Variants in SEC23B observed in about 807,000 individuals in gnomAD.
SEC23B encodes SEC23 homolog B, COPII component.
In SEC23B, 77 loss-of-function variants were observed where a neutral mutation model predicts 104.3. The ratio of observed to expected loss-of-function variants is 0.74; its 90% confidence interval spans 0.61 to 0.89. The LOEUF is 0.89. Among genes scored for constraint, SEC23B ranks in the 40% least tolerant of loss-of-function variants. The pLI is 0.00. For synonymous variants in SEC23B, 338 were observed against 332.5 expected, an observed-to-expected ratio of 1.02 and a Z score of -0.18; for missense variants, 885 against 949.4, an observed-to-expected ratio of 0.93 and a Z score of 0.89.
intron 12 of SEC23B, among the ~76,000 whole-genome samples, chr20:18,537,865 A>G (rs1011871241): frequency 6.6e-6 from 1 of 152,000 alleles, no homozygotes; most frequent in Non-Finnish European, 1.5e-5. Context: ...AAGGTCTTAC[A>G]TTGATGTTGT....
rs113410788 is a variant in SEC23B, at chr20:18,548,771, G to C, written c.1905+1G>C. 1 of 1,614,026 alleles carries C rather than the reference G, an allele frequency of 6.2e-7. No individual in the cohort carries two copies. On this transcript the variant is annotated splice_donor_variant, in intron 16 of 19. Transcript: ENST00000650089. LOFTEE classifies it high-confidence loss of function. ...TTACTCCTTTCATGGGCCACCAGAG[G>C]TGAGGCTCTACCCAAATGCTTTCCT...
chr20:18,533,653 A>C (rs1394258641), intron 11 of SEC23B, among the ~76,000 whole-genome samples: 3 of 152,210 alleles, frequency 2.0e-5, no homozygotes, highest in Admixed American at 1.3e-4. Flanking sequence ...TCAGCAACAA[A>C]CGTTCTTGGG....
intron 9 of SEC23B, among the ~76,000 whole-genome samples, chr20:18,528,161 A>G (rs529811730): frequency 7.2e-5 from 11 of 152,220 alleles, no homozygotes; most frequent in Non-Finnish European, 1.5e-4. Context: ...GGAATTGTAT[A>G]TTTCTAGGCC....
At chr20:18,555,550 C>T (rs1001140264) in intron 19 of SEC23B, among the ~76,000 whole-genome samples, 3 of 152,086 alleles carry the variant, frequency 2.0e-5, no homozygotes, top group Admixed American at 6.6e-5. Context: ...ACTTTCCAGC[C>T]TAATTCCTTC....
intron 1 of SEC23B, among the ~76,000 whole-genome samples, chr20:18,509,347 TC>T (rs1045040635): frequency 1.3e-5 from 2 of 152,202 alleles, no homozygotes; most frequent in Non-Finnish European, 2.9e-5. Flanking sequence ...GTATGGTACT[TC>T]CCAAAATAAC....
intron 7 of SEC23B, 138 bp downstream of exon 7, chr20:18,526,070 A>C (rs770500808): frequency 1.3e-5 from 14 of 1,083,314 alleles, no homozygotes; most frequent in East Asian, 2.5e-5. Flanking sequence ...TTGAGGCATC[A>C]TTATCATTCA....
intron 16 of SEC23B, 80 bp from the exon 17 acceptor site, chr20:18,551,009 G>A: frequency 1.2e-6 from 1 of 858,726 alleles, no homozygotes; most frequent in South Asian, 1.3e-5. Context: ...TACCAGGCAT[G>A]GGATCAGGGT....
chr20:18,548,693 G>A lies in SEC23B; in HGVS notation c.1828G>A (p.Ala610Thr). ...DESSYYRHHF[A>T]RQDLTQSLIM... ...GTCGTCATATTACAGACATCATTTT[G>A]CCCGGCAGGACCTGACCCAGTCCCT... The change falls in exon 16 of 20, where the codon GCC (alanine) becomes ACC (threonine). Residue 610 changes from alanine to threonine, a missense_variant. Coordinates refer to ENST00000650089, the MANE Select transcript of SEC23B (RefSeq NM_006363.6). 1 of 1,614,080 alleles carries A rather than the reference G, an allele frequency of 6.2e-7. No homozygotes were observed. The highest frequency in any genetic ancestry group is 8.5e-7 in the Non-Finnish European group (1 of 1,180,012).
chr20:18,556,138 C>T (rs2060435571), intron 19 of SEC23B, among the ~76,000 whole-genome samples: 2 of 152,006 alleles, frequency 1.3e-5, no homozygotes, highest in South Asian at 4.2e-4. Flanking sequence ...GGTGGTAATG[C>T]ACGTGATGGG....
In SEC23B at chr20:18,524,634, C is replaced by T. The variant is rs541860697; in HGVS notation, c.568C>T (p.Arg190Ter). 10 of 1,613,958 alleles carry T rather than the reference C, an allele frequency of 6.2e-6. No individual in the cohort carries two copies. The highest frequency in any genetic ancestry group is 8.5e-6 in the Non-Finnish European group (10 of 1,179,978). ...AGGAATCTCCAAAAGTTATGTCTTC[C>T]GAGGGACCAAGGATTTAACTGCAAA... The part of the protein sequence containing the change: ...CEGISKSYVF[R>*]GTKDLTAKQI... Residue 190 changes from arginine (R) to a stop codon, truncating the protein, a stop_gained, in exon 5 of 20, where the codon CGA (arginine) becomes TGA (stop). Transcript: ENST00000650089. LOFTEE classifies it high-confidence loss of function.
Position 18,554,972 on chromosome 20 carries a change from CT to C in SEC23B, c.2149-135del. On this transcript the variant is annotated intron_variant, in intron 18 of 19. Transcript: ENST00000650089. The stretch of plus-strand genomic sequence containing the variant: ...TAGATTACTGTGCAGTAAAACAATT[CT>C]AATTAGATTACTGTGCAGTAAAACA... 1.6e-4 allele frequency: 11 copies of C among 69,836 alleles called. 4 individuals are homozygous for C. Among genetic ancestry groups the C allele is most frequent in the South Asian group, 4.2e-4 (2 of 4,762 alleles). The allele number at this position is 69,836 out of a possible 1,614,324, so 4.3% of individuals were successfully genotyped here.
intron 17 of SEC23B, among the ~76,000 whole-genome samples, chr20:18,553,985 A>G (rs1424860895): frequency 6.6e-6 from 1 of 152,106 alleles, no homozygotes; most frequent in East Asian, 1.9e-4. Flanking sequence ...TTTGTTAACT[A>G]GTTGATATAG....
intron 1 of SEC23B, among the ~76,000 whole-genome samples, chr20:18,508,987 C>T (rs2059958138): frequency 6.6e-6 from 1 of 152,170 alleles, no homozygotes; most frequent in African/African-American, 2.4e-5. Context: ...GCCCAAAGTG[C>T]TGGGATTACA....
chr20:18,538,416 AT>A lies in SEC23B; in HGVS notation c.1404+2684del, dbSNP rs1487265285. On this transcript the variant is annotated intron_variant, in intron 12 of 19. Coordinates refer to ENST00000650089, the MANE Select transcript of SEC23B (RefSeq NM_006363.6). ...AGGCACCCGCCACCACGCCCAGCTA[AT>A]TTTTTTTTTGTATTTTTAGTAGAGA... Among the ~76,000 whole-genome samples the A allele has an allele frequency of 5.4e-5, 8 of 148,544 alleles. No individual in the cohort carries two copies. In the South Asian group the frequency reaches 6.5e-4, roughly 12 times the overall value.
intron 12 of SEC23B, among the ~76,000 whole-genome samples, chr20:18,539,758 C>T (rs1366231832): frequency 6.6e-6 from 1 of 151,578 alleles, no homozygotes. Flanking sequence ...AATTCTGCTG[C>T]CTCAGCCTCC....
At chr20:18,522,952 A>G (rs1184243452) in intron 4 of SEC23B, among the ~76,000 whole-genome samples, 1 of 152,046 alleles carries the variant, frequency 6.6e-6, no homozygotes, top group Non-Finnish European at 1.5e-5. Context: ...CTATAGTCCC[A>G]GCTACTTGGG....
rs377509689 is a variant in SEC23B at position 18,555,211 on chromosome 20, T to TA, written c.2214+39dup. On this transcript the variant is annotated intron_variant, in intron 19 of 19. Transcript: ENST00000650089. Reference sequence around the variant, plus strand: ...CAGGTATTTGGGGAGGATGCTAAGCTAGTTTTTTTTTAAACTTGTTTTAAA... The same window carrying TA: ...CAGGTATTTGGGGAGGATGCTAAGCTAAGTTTTTTTTTAAACTTGTTTTAAA... 5.5e-4 allele frequency: 841 copies of TA among 1,531,790 alleles called. 5 individuals carry two copies. In the African/African-American group the frequency reaches 9.8e-3, roughly 18 times the overall value. The allele number at this position is 1,531,790 out of a possible 1,614,324, so 94.9% of individuals were successfully genotyped here.
At chr20:18,537,680 T>C (rs1217545590) in intron 12 of SEC23B, among the ~76,000 whole-genome samples, 1 of 152,112 alleles carries the variant, frequency 6.6e-6, no homozygotes, top group African/African-American at 2.4e-5. Flanking sequence ...GGCACATGTA[T>C]ACATATGTAA....
intron 6 of SEC23B, among the ~76,000 whole-genome samples, chr20:18,525,388 A>G (rs1187508554): frequency 2.6e-5 from 4 of 152,202 alleles, no homozygotes; most frequent in Non-Finnish European, 5.9e-5. Context: ...GCTGAAGACA[A>G]CCTCTTACTT....
Sources: allele counts gnomAD v4.1 joint callset (sites outside exome capture counted in the v4.1 genomes callset), GRCh38; gene constraint gnomAD v4.1.1; transcripts MANE v1.5; gene names NCBI Gene and HGNC (gene_info 2026-07-23, HGNC 2026-07-21).